The following COMTD1 variants were observed in gnomAD, a reference collection of about 807,000 sequenced individuals.
COMTD1 encodes catechol-O-methyltransferase domain containing 1.
Under a neutral mutation model 33.6 loss-of-function variants are expected in COMTD1, and 35 were observed. The observed-to-expected ratio is 1.04, with a 90% CI of 0.80 to 1.38. The LOEUF (loss-of-function observed/expected upper bound fraction) is 1.38, where lower values mean the gene tolerates loss of function less well. Among genes scored for constraint, COMTD1 ranks in the 40% most tolerant of loss-of-function variants. The pLI is 0.00. For missense variants in COMTD1, 370 were observed against 363.4 expected (o/e 1.02, Z -0.15); for synonymous variants, 160 against 176.8 (o/e 0.91, Z 0.75).
chr10:75,234,317 C>G, intron 6 of COMTD1, 92 bp from the exon 7 acceptor site: 1 of 1,036,224 alleles, frequency 9.7e-7, no homozygotes, highest in Admixed American at 2.6e-5. Flanking sequence ...GGGAGGTGCC[C>G]GGGCGGGAGG....
Position 75,234,730 on chromosome 10 carries a change from C to A in COMTD1, c.516G>T (p.Ala172=). 6.3e-7 allele frequency: 1 copy of A among 1,589,526 alleles called. No homozygotes were observed. Among genetic ancestry groups the A allele is most frequent in the Non-Finnish European group, 8.5e-7 (1 of 1,169,750 alleles). ...CGTCGAAGGTGCCGGCCTCGCCCGCCGCCAGCAGCTCGTCTTGCGGGGGGA... is the reference window on the plus strand; with the variant it reads ...CGTCGAAGGTGCCGGCCTCGCCCGCAGCCAGCAGCTCGTCTTGCGGGGGGA... ...PALETLDELL[A]AGEAGTFDVA... Residue 172 remains alanine (A), a synonymous_variant, in exon 6 of 7, where the codon GCG becomes GCT. Transcript: ENST00000372538.
In COMTD1 at chr10:75,234,756, G is replaced by C; in HGVS notation, c.503-13C>G. ...GCCAGCAGCTCGTCTTGCGGGGGGAGGGAGGGCAGGTGCGGCTGAGTCCGC... is the reference window on the plus strand; with the variant it reads ...GCCAGCAGCTCGTCTTGCGGGGGGACGGAGGGCAGGTGCGGCTGAGTCCGC... On this transcript the variant is annotated splice_polypyrimidine_tract_variant and intron_variant, in intron 5 of 6. Coordinates refer to ENST00000372538, the MANE Select transcript of COMTD1 (RefSeq NM_144589.4). 6.4e-7 allele frequency: 1 copy of C among 1,573,182 alleles called. No individual in the cohort carries two copies. Among genetic ancestry groups the C allele is most frequent in the South Asian group, 1.2e-5 (1 of 86,232 alleles).
At position 75,235,119 on chromosome 10, in the gene COMTD1, C is replaced by A; in HGVS notation, c.388G>T (p.Val130Leu). The change falls in exon 4 of 7, where the codon GTG becomes TTG. Residue 130 changes from valine to leucine, a missense_variant. Val to Leu is a conservative substitution (Grantham distance 32). Coordinates refer to ENST00000372538, the MANE Select transcript of COMTD1 (RefSeq NM_144589.4). ...LALALPADGRVVTCEVDAQPP... is the reference protein window; with the variant it reads ...LALALPADGRLVTCEVDAQPP... ...TGCGCGTCCACCTCGCAGGTCACCA[C>A]GCGCCCGTCCGCGGGCAGCGCCAGG... 7.1e-7 allele frequency: 1 copy of A among 1,403,496 alleles called. No homozygotes were observed. 86.9% of individuals were successfully genotyped at this position (1,403,496 alleles called of 1,614,324 possible). A position where few individuals can be genotyped will look rare whatever the true frequency, so the allele number is the denominator to read the frequency against.
At chr10:75,234,425 G>A (rs1217546684) in intron 6 of COMTD1, 185 bp downstream of exon 6, 8 of 1,098,488 alleles carry the variant, frequency 7.3e-6, no homozygotes, top group South Asian at 3.3e-5. Context: ...CCGGGCAGGA[G>A]GTGACCAGAG....
intron 6 of COMTD1, 184 bp downstream of exon 6, chr10:75,234,426 G>A: frequency 9.1e-7 from 1 of 1,104,608 alleles, no homozygotes; most frequent in Non-Finnish European, 1.3e-6. Flanking sequence ...CGGGCAGGAG[G>A]TGACCAGAGC....
chr10:75,235,459 C>A lies in COMTD1; in HGVS notation c.223-87G>T. 4 of 1,348,242 alleles carry A rather than the reference C, an allele frequency of 3.0e-6. No individual in the cohort carries two copies. The South Asian group carries it at 4.5e-5, about 15-fold the overall frequency. The allele number at this position is 1,348,242 out of a possible 1,614,324, so 83.5% of individuals were successfully genotyped here. ...CAAGCCCCAGGGGCGCGGTTCTGGG[C>A]GTGGCCTGGGGGACTGGCCCTTCGG... On this transcript the variant is annotated intron_variant, in intron 2 of 6. Transcript: ENST00000372538.
chr10:75,234,028 GT>G lies in COMTD1; in HGVS notation c.*44del. 1 of 1,613,448 alleles carries G rather than the reference GT, an allele frequency of 6.2e-7. No homozygotes were observed. Among genetic ancestry groups the G allele is most frequent in the Non-Finnish European group, 8.5e-7 (1 of 1,179,978 alleles). ...TTAAAACTCAGGGTCAATTCCTGGG[GT>G]TCCCAGGCAACCCTCCCTCGAGCCC... On this transcript the variant is annotated 3_prime_UTR_variant, in exon 7 of 7. Coordinates refer to ENST00000372538, the MANE Select transcript of COMTD1 (RefSeq NM_144589.4).
At position 75,235,602 on chromosome 10, in the gene COMTD1, C is replaced by T; in HGVS notation, c.222+14G>A. The stretch of plus-strand genomic sequence containing the variant: ...TCGAGAGGGACGCCCGTTTCCGTCC[C>T]GCGCCCTGCTGACCAGCCTCAGGCT... On this transcript the variant is annotated intron_variant, in intron 2 of 6. Coordinates refer to ENST00000372538, the MANE Select transcript of COMTD1 (RefSeq NM_144589.4). 8.3e-6 allele frequency: 13 copies of T among 1,574,754 alleles called. No individual in the cohort carries two copies. Among genetic ancestry groups the T allele is most frequent in the Non-Finnish European group, 1.1e-5 (13 of 1,163,216 alleles).
At chr10:75,235,403 T>G in intron 2 of COMTD1, 31 bp from the exon 3 acceptor site, 1 of 1,477,270 alleles carries the variant, frequency 6.8e-7, no homozygotes, top group Non-Finnish European at 9.1e-7. Flanking sequence ...GCACCAGCCA[T>G]GCAGGTCACC....
At chr10:75,235,574 G>A (rs775567294) in intron 2 of COMTD1, 42 bp downstream of exon 2, 1 of 1,537,762 alleles carries the variant, frequency 6.5e-7, no homozygotes, top group South Asian at 1.2e-5. Flanking sequence ...GGACCCGCAG[G>A]GGTCGAGAGG....
At position 75,234,088 on chromosome 10, in the gene COMTD1, C is replaced by T; in HGVS notation, c.774G>A (p.Leu258=). The change falls in exon 7 of 7, where the codon TTG becomes TTA. Residue 258 remains leucine, a synonymous_variant. Coordinates refer to ENST00000372538, the MANE Select transcript of COMTD1 (RefSeq NM_144589.4). ...SLLPLGDGLT[L]AFKI is the part of the protein sequence containing the mutation. ...GGGGCCAGCCCTAGATCTTGAAGGCCAAGGTGAGTCCATCGCCCAGGGGCA... is the reference window on the plus strand; with the variant it reads ...GGGGCCAGCCCTAGATCTTGAAGGCTAAGGTGAGTCCATCGCCCAGGGGCA... 1 of 1,614,032 alleles carries T rather than the reference C, an allele frequency of 6.2e-7. No homozygotes were observed. Among genetic ancestry groups the T allele is most frequent in the Non-Finnish European group, 8.5e-7 (1 of 1,180,042 alleles).
At position 75,235,279 on chromosome 10, in the gene COMTD1, C is replaced by T; in HGVS notation, c.316G>A (p.Ala106Thr). The change falls in exon 3 of 7, where the codon GCG becomes ACG. Residue 106 changes from alanine to threonine, a missense_variant. Transcript: ENST00000372538. ...NLARLIQAKK[A>T]LDLGTFTGYS... Reference sequence around the variant, plus strand: ...CGCGTGCCCCTACCCAGGTCCAGCGCCTTCTTGGCCTGGATGAGCCGCGCC... The same window carrying T: ...CGCGTGCCCCTACCCAGGTCCAGCGTCTTCTTGGCCTGGATGAGCCGCGCC... 1 of 1,574,690 alleles carries T rather than the reference C, an allele frequency of 6.4e-7. No individual in the cohort carries two copies. The highest frequency in any genetic ancestry group is 8.6e-7 in the Non-Finnish European group (1 of 1,163,922).
Position 75,234,022 on chromosome 10 carries a change from C to T in COMTD1, c.*51G>A, listed in dbSNP as rs754291112. ...TCGAATTTAAAACTCAGGGTCAATT[C>T]CTGGGGTTCCCAGGCAACCCTCCCT... is the stretch of plus-strand genomic sequence containing the variant. On this transcript the variant is annotated 3_prime_UTR_variant, in exon 7 of 7. Transcript: ENST00000372538. 1.4e-5 allele frequency: 23 copies of T among 1,613,162 alleles called. No homozygotes were observed. The Admixed American group carries it at 3.8e-4, about 27-fold the overall frequency.
At position 75,235,496 on chromosome 10, in the gene COMTD1, C is replaced by G. The variant is rs41280438; in HGVS notation, c.222+120G>C. On this transcript the variant is annotated intron_variant, in intron 2 of 6. Coordinates refer to ENST00000372538, the MANE Select transcript of COMTD1 (RefSeq NM_144589.4). The stretch of plus-strand genomic sequence containing the variant: ...GACTGGCCCTTCGGAACGCCCACCG[C>G]ACCCGGCCCAGGGAAGCCGGAAGCC... The G allele has an allele frequency of 4.6e-3, 6,295 of 1,380,954 alleles. 21 individuals are homozygous for G. Among genetic ancestry groups the G allele is most frequent in the Non-Finnish European group, 5.1e-3 (5,413 of 1,051,566 alleles). 85.5% of individuals were successfully genotyped at this position (1,380,954 alleles called of 1,614,324 possible).
rs1248590740 is a variant in COMTD1 at position 75,234,039 on chromosome 10, ACCCT to A, written c.*30_*33del. On this transcript the variant is annotated 3_prime_UTR_variant, in exon 7 of 7. Transcript: ENST00000372538. Reference sequence around the variant, plus strand: ...GGTCAATTCCTGGGGTTCCCAGGCAACCCTCCCTCGAGCCCACTCACTAGGGGCC... The same window carrying A: ...GGTCAATTCCTGGGGTTCCCAGGCAACCCTCGAGCCCACTCACTAGGGGCC... The A allele has an allele frequency of 8.7e-6, 14 of 1,613,310 alleles. No homozygotes were observed. The South Asian group carries it at 1.5e-4, about 18-fold the overall frequency.
At position 75,235,149 on chromosome 10, in the gene COMTD1, G is replaced by C; in HGVS notation, c.358C>G (p.Leu120Val). ...GTFTGYSALALALALPADGRV... is the reference protein window; with the variant it reads ...GTFTGYSALAVALALPADGRV... ...CCGTCCGCGGGCAGCGCCAGGGCCA[G>C]GGCCAGGGCGGAGTAGCCCGTGAAG... The change falls in exon 4 of 7, where the codon CTG becomes GTG. Residue 120 changes from leucine to valine, a missense_variant. Transcript: ENST00000372538. 4 of 1,403,608 alleles carry C rather than the reference G, an allele frequency of 2.8e-6. No individual in the cohort carries two copies. The highest frequency in any genetic ancestry group is 3.7e-6 in the Non-Finnish European group (4 of 1,086,166). 86.9% of individuals were successfully genotyped at this position (1,403,608 alleles called of 1,614,324 possible).
intron 6 of COMTD1, 171 bp downstream of exon 6, chr10:75,234,439 G>A (rs1842157440): frequency 3.4e-6 from 4 of 1,171,980 alleles, no homozygotes; most frequent in Non-Finnish European, 4.7e-6. Flanking sequence ...ACCAGAGCTG[G>A]AGACAGAACC....
In COMTD1 at chr10:75,235,373, C is replaced by A. The variant is rs201219663; in HGVS notation, c.223-1G>T. 2.6e-6 allele frequency: 4 copies of A among 1,558,820 alleles called. No homozygotes were observed. The highest frequency in any genetic ancestry group is 3.5e-6 in the Non-Finnish European group (4 of 1,155,388). ...CCCCCTGCGGCTGCTCCAGGGTCAG[C>A]TGCGTGAAAGGAGAGGGTGGCACCA... On this transcript the variant is annotated splice_acceptor_variant, in intron 2 of 6. Coordinates refer to ENST00000372538, the MANE Select transcript of COMTD1 (RefSeq NM_144589.4). LOFTEE classifies it high-confidence loss of function.
chr10:75,234,274 G>A (rs1216247789), intron 6 of COMTD1, 49 bp from the exon 7 acceptor site: 8 of 1,565,920 alleles, frequency 5.1e-6, no homozygotes, highest in African/African-American at 4.0e-5. Flanking sequence ...GGCTTCGGAG[G>A]GAGGTGCTCG....
Sources: allele counts gnomAD v4.1 joint callset, GRCh38; gene constraint gnomAD v4.1.1; transcripts MANE v1.5; gene names NCBI Gene and HGNC (gene_info 2026-07-23, HGNC 2026-07-21).